XKR9: variants seen among roughly 807,000 people sequenced by gnomAD.
XKR9 encodes XK-related protein 9.
Under a neutral mutation model 32.0 loss-of-function variants are expected in XKR9, and 32 were observed. The observed-to-expected ratio is 1.00, with a 90% CI of 0.76 to 1.34. The LOEUF (loss-of-function observed/expected upper bound fraction) is 1.34, where lower values mean the gene tolerates loss of function less well. Among genes scored for constraint, XKR9 ranks in the 40% most tolerant of loss-of-function variants. The probability of loss-of-function intolerance (pLI) is 0.00; values close to 1 mark genes in which losing one functional copy is unlikely to be tolerated. For missense variants in XKR9, 546 were observed against 429.7 expected (o/e 1.27, Z -2.39); for synonymous variants, 168 against 143.4 (o/e 1.17, Z -1.22).
At chr8:70,855,167 A>C in the XKR9 span, among the ~76,000 whole-genome samples, 1 of 152,140 alleles carries the variant, frequency 6.6e-6, no homozygotes, top group African/African-American at 2.4e-5. Context: ...GCTTCAGATG[A>C]TCAAACTACT....
At chr8:70,738,730 C>T (rs905495895), downstream of XKR9, among the ~76,000 whole-genome samples, 2 of 152,058 alleles carry the variant, frequency 1.3e-5, no homozygotes, top group Admixed American at 1.3e-4. Flanking sequence ...GTTATGTACC[C>T]AGTAGTCATT....
At chr8:70,725,837 C>T (rs758981117) in intron 4 of XKR9, among the ~76,000 whole-genome samples, 20 of 152,110 alleles carry the variant, frequency 1.3e-4, no homozygotes, top group African/African-American at 2.7e-4. Flanking sequence ...ACCCAGGAGG[C>T]GGAGGTTGTA....
the XKR9 span, among the ~76,000 whole-genome samples, chr8:70,872,982 C>G: frequency 6.6e-6 from 1 of 152,124 alleles, no homozygotes; most frequent in Non-Finnish European, 1.5e-5. Context: ...TAGGTTGAAG[C>G]TAGTGCTTAT....
At chr8:71,043,379 G>T in the XKR9 span, among the ~76,000 whole-genome samples, 1 of 152,198 alleles carries the variant, frequency 6.6e-6, no homozygotes, top group South Asian at 2.1e-4. Flanking sequence ...GAAAGTAGGA[G>T]ATATTGCAAG....
At chr8:70,744,259 C>T (rs900204812) in intron 2 of XKR9, among the ~76,000 whole-genome samples, 5 of 151,806 alleles carry the variant, frequency 3.3e-5, no homozygotes, top group East Asian at 1.9e-4. Context: ...TGCAGTGAGC[C>T]GAGATCATGC....
At chr8:70,995,282 C>G in the XKR9 span, among the ~76,000 whole-genome samples, 1 of 152,168 alleles carries the variant, frequency 6.6e-6, no homozygotes, top group South Asian at 2.1e-4. Context: ...CCCATGTCCA[C>G]TTTTAGAAAT....
the XKR9 span, among the ~76,000 whole-genome samples, chr8:70,883,763 G>A: frequency 6.6e-6 from 1 of 152,176 alleles, no homozygotes; most frequent in Middle Eastern, 3.4e-3. Context: ...ATGTACCATA[G>A]TTTGTTTTTC....
the XKR9 span, among the ~76,000 whole-genome samples, chr8:71,058,075 A>G: frequency 7.5e-3 from 1,136 of 152,026 alleles, 18 homozygotes; most frequent in African/African-American, 0.025. Context: ...CAACTACTCG[A>G]GAGGCTGAGG....
chr8:70,720,799 G>A lies in XKR9; in HGVS notation c.494-12997G>A, dbSNP rs150214298. On this transcript the variant is annotated intron_variant, in intron 4 of 4. Transcript: ENST00000408926. ...GTGTCTCTGCCATGTTTTGGTGACA[G>A]GATGATGCTTGCCTATAAAATGAGT... Among the ~76,000 whole-genome samples, 13 of 152,288 alleles carry A rather than the reference G, an allele frequency of 8.5e-5. No homozygotes were observed. The East Asian group carries it at 2.5e-3, about 29-fold the overall frequency.
At chr8:70,977,945 G>T in the XKR9 span, among the ~76,000 whole-genome samples, 1 of 152,052 alleles carries the variant, frequency 6.6e-6, no homozygotes, top group Non-Finnish European at 1.5e-5. Context: ...TATATTTAGG[G>T]TAATTAGCTC....
rs147415145 is a variant in XKR9, at chr8:70,684,302, C to A, written c.272+2972C>A. Among the ~76,000 whole-genome samples, 1,180 of 152,208 alleles carry A rather than the reference C, an allele frequency of 7.8e-3. 7 individuals are homozygous for A. Among genetic ancestry groups the A allele is most frequent in the Non-Finnish European group, 0.014 (956 of 67,990 alleles). ...GCCAATCAAATGTAAGTTACACGTTCTCACTGTGTTTAACATAACTATTAA... is the reference window on the plus strand; with the variant it reads ...GCCAATCAAATGTAAGTTACACGTTATCACTGTGTTTAACATAACTATTAA... On this transcript the variant is annotated intron_variant, in intron 3 of 4. Coordinates refer to ENST00000408926, the MANE Select transcript of XKR9 (RefSeq NM_001011720.2).
At chr8:70,956,240 T>C in the XKR9 span, among the ~76,000 whole-genome samples, 2 of 152,184 alleles carry the variant, frequency 1.3e-5, no homozygotes, top group East Asian at 3.9e-4. Context: ...GAGAGTAGCT[T>C]TATTGAGCAA....
At chr8:70,825,288 T>C in the XKR9 span, among the ~76,000 whole-genome samples, 1 of 152,134 alleles carries the variant, frequency 6.6e-6, no homozygotes, top group Non-Finnish European at 1.5e-5. Context: ...GTTTTTCTTG[T>C]CCTTACTTCA....
chr8:70,787,422 C>T (rs1164993843), intron 2 of XKR9, among the ~76,000 whole-genome samples: 2 of 152,178 alleles, frequency 1.3e-5, no homozygotes, highest in African/African-American at 4.8e-5. Flanking sequence ...GCAAAATAGG[C>T]TTGGAAATAT....
the XKR9 span, among the ~76,000 whole-genome samples, chr8:71,065,335 C>G: frequency 6.6e-6 from 1 of 152,154 alleles, no homozygotes; most frequent in African/African-American, 2.4e-5. Context: ...ATTATTCCCT[C>G]TCTTTCTCTG....
chr8:70,703,450 A>G (rs936471742), intron 3 of XKR9, among the ~76,000 whole-genome samples: 2 of 152,130 alleles, frequency 1.3e-5, no homozygotes, highest in African/African-American at 4.8e-5. Flanking sequence ...GGTGTCATAG[A>G]TGGTGCCTTC....
chr8:70,997,119 G>A, the XKR9 span, among the ~76,000 whole-genome samples: 2 of 152,158 alleles, frequency 1.3e-5, no homozygotes, highest in Non-Finnish European at 2.9e-5. Context: ...CCAACATGGC[G>A]AATCCCTGTC....
chr8:70,811,192 T>G, the XKR9 span, among the ~76,000 whole-genome samples: 1 of 152,120 alleles, frequency 6.6e-6, no homozygotes, highest in Non-Finnish European at 1.5e-5. Context: ...GAATGACTAC[T>G]GGGTACATAA....
chr8:70,917,495 A>G, the XKR9 span, among the ~76,000 whole-genome samples: 1 of 151,720 alleles, frequency 6.6e-6, no homozygotes, highest in East Asian at 1.9e-4. Flanking sequence ...TGACTCTATG[A>G]TGGGTTTATT....
Sources: allele counts gnomAD v4.1 joint callset (sites outside exome capture counted in the v4.1 genomes callset), GRCh38; gene constraint gnomAD v4.1.1; transcripts MANE v1.5; gene names NCBI Gene and HGNC (gene_info 2026-07-23, HGNC 2026-07-21).